RBMS1: variants seen among roughly 807,000 people sequenced by gnomAD.
RBMS1 encodes RNA binding motif single stranded interacting protein 1.
Under a neutral mutation model 62.3 loss-of-function variants are expected in RBMS1, and 17 were observed. The ratio of observed to expected loss-of-function variants is 0.27; its 90% confidence interval spans 0.19 to 0.41. RBMS1 has a LOEUF of 0.41. Ranked by LOEUF, RBMS1 falls within the 10% of genes least tolerant of loss-of-function variation. RBMS1 has a pLI of 1.00. For synonymous variants in RBMS1, 172 were observed against 170.0 expected, an observed-to-expected ratio of 1.01 and a Z score of -0.09; for missense variants, 334 against 504.5, an observed-to-expected ratio of 0.66 and a Z score of 3.24.
chr2:160,278,931 C>G, intron 10 of RBMS1: 1 of 256,062 alleles, frequency 3.9e-6, no homozygotes, highest in South Asian at 8.9e-5. Flanking sequence ...CTTCTCCTTC[C>G]CTTTCCCTTC....
intron 1 of RBMS1, among the ~76,000 whole-genome samples, chr2:160,475,859 A>ATTTT (rs34858686): frequency 7.0e-6 from 1 of 142,066 alleles, no homozygotes; most frequent in Non-Finnish European, 1.5e-5. Flanking sequence ...TGGGCCCCCC[A>ATTTT]TTTTTTTTTT....
rs540902581 is a variant in RBMS1 at position 160,340,743 on chromosome 2, T to C, written c.252-22516A>G. Among the ~76,000 whole-genome samples the C allele has an allele frequency of 5.9e-5, 9 of 152,304 alleles. No individual in the cohort carries two copies. The South Asian group carries it at 1.0e-3, about 18-fold the overall frequency. ...TAAATAAATTAGCAGTATTTGTCCA[T>C]CCATTAATGTTTGTAAAACTTCCAA... is the stretch of plus-strand genomic sequence containing the variant. On this transcript the variant is annotated intron_variant, in intron 2 of 13. Coordinates refer to ENST00000348849, the MANE Select transcript of RBMS1 (RefSeq NM_016836.4).
chr2:160,465,144 A>G (rs1483335134), intron 1 of RBMS1, among the ~76,000 whole-genome samples: 1 of 152,236 alleles, frequency 6.6e-6, no homozygotes, highest in East Asian at 1.9e-4. Context: ...TTCCAAAGAG[A>G]CAGATTAATT....
chr2:160,348,367 A>G (rs976280705), intron 2 of RBMS1, among the ~76,000 whole-genome samples: 1 of 152,170 alleles, frequency 6.6e-6, no homozygotes, highest in African/African-American at 2.4e-5. Flanking sequence ...GCTTATGTGC[A>G]GGTATGTGTG....
chr2:160,301,456 T>C (rs1689201727), intron 5 of RBMS1, among the ~76,000 whole-genome samples: 2 of 152,222 alleles, frequency 1.3e-5, no homozygotes, highest in South Asian at 4.1e-4. Context: ...CCTGGACTAC[T>C]CAGAGAGTTA....
At chr2:160,435,844 G>A (rs745469610) in intron 1 of RBMS1, among the ~76,000 whole-genome samples, 2 of 152,168 alleles carry the variant, frequency 1.3e-5, no homozygotes, top group African/African-American at 2.4e-5. Context: ...GTATCCTAAT[G>A]ACTTAGAGTG....
At chr2:160,459,335 C>T (rs1188271645) in intron 1 of RBMS1, among the ~76,000 whole-genome samples, 2 of 152,172 alleles carry the variant, frequency 1.3e-5, no homozygotes, top group African/African-American at 4.8e-5. Context: ...AAAGTACTAT[C>T]ATTCTTTCTG....
intron 1 of RBMS1, among the ~76,000 whole-genome samples, chr2:160,451,595 G>A (rs570158712): frequency 1.4e-4 from 21 of 151,904 alleles, no homozygotes; most frequent in Admixed American, 1.2e-3. Flanking sequence ...GTTTAATGCA[G>A]CACTGTTTTT....
intron 1 of RBMS1, chr2:160,407,454 G>C: frequency 1.5e-5 from 15 of 986,140 alleles, no homozygotes; most frequent in African/African-American, 1.7e-5. Flanking sequence ...CATCCCGGCC[G>C]CCGCCTCACC....
At chr2:160,351,152 A>T (rs1466672244) in intron 2 of RBMS1, among the ~76,000 whole-genome samples, 4 of 148,608 alleles carry the variant, frequency 2.7e-5, no homozygotes, top group African/African-American at 9.9e-5. Flanking sequence ...CAGGAAGGGG[A>T]ACACCACACA....
intron 2 of RBMS1, among the ~76,000 whole-genome samples, chr2:160,325,232 G>A (rs959953178): frequency 4.6e-5 from 7 of 152,070 alleles, no homozygotes; most frequent in African/African-American, 1.7e-4. Context: ...GGTGGACTCC[G>A]TAATTGCTAA....
intron 1 of RBMS1, among the ~76,000 whole-genome samples, chr2:160,463,659 C>T (rs749836470): frequency 2.0e-5 from 3 of 152,108 alleles, no homozygotes; most frequent in Non-Finnish European, 2.9e-5. Flanking sequence ...GTGGCAGGTG[C>T]CTATAATCCC....
intron 6 of RBMS1, among the ~76,000 whole-genome samples, chr2:160,298,625 A>G (rs1157114750): frequency 6.6e-6 from 1 of 152,148 alleles, no homozygotes; most frequent in Non-Finnish European, 1.5e-5. Context: ...TGGATGAGTG[A>G]GGGGCCAGCA....
chr2:160,445,868 T>C (rs1683619302), intron 1 of RBMS1, among the ~76,000 whole-genome samples: 2 of 152,190 alleles, frequency 1.3e-5, no homozygotes, highest in African/African-American at 2.4e-5. Context: ...GAAGATAGTA[T>C]CTGCCTTTTC....
chr2:160,308,644 C>T (rs1689683329), intron 4 of RBMS1, among the ~76,000 whole-genome samples: 1 of 152,170 alleles, frequency 6.6e-6, no homozygotes, highest in Admixed American at 6.5e-5. Flanking sequence ...AAGAAATTCA[C>T]AATATGCAGA....
chr2:160,296,319 T>G (rs1406104802), intron 6 of RBMS1, among the ~76,000 whole-genome samples: 7 of 152,234 alleles, frequency 4.6e-5, no homozygotes, highest in Admixed American at 3.3e-4. Context: ...TCCAAATTTG[T>G]GTATGTAAGC....
intron 2 of RBMS1, among the ~76,000 whole-genome samples, chr2:160,334,211 A>C (rs566857002): frequency 6.6e-6 from 1 of 152,320 alleles, no homozygotes; most frequent in Admixed American, 6.5e-5. Context: ...AAGATGTAGT[A>C]ATGCATTTTA....
chr2:160,388,047 CAT>C (rs1187399038), intron 1 of RBMS1, among the ~76,000 whole-genome samples: 2 of 152,192 alleles, frequency 1.3e-5, no homozygotes, highest in African/African-American at 2.4e-5. Context: ...TTCCAACTAA[CAT>C]GTGCTGTTAG....
chr2:160,320,378 T>C (rs946818967), intron 2 of RBMS1, among the ~76,000 whole-genome samples: 1 of 152,112 alleles, frequency 6.6e-6, no homozygotes, highest in South Asian at 2.1e-4. Flanking sequence ...GAGGCTGAGG[T>C]GGGAGGGTCG....
Sources: gnomAD v4.1 joint callset for allele counts (sites outside exome capture counted in the v4.1 genomes callset) on GRCh38, gnomAD v4.1.1 for gene constraint, MANE v1.5 for transcripts, NCBI Gene and HGNC (gene_info 2026-07-23, HGNC 2026-07-21) for gene names.